Variants in FILIP1L observed in about 807,000 individuals in gnomAD.
FILIP1L encodes the protein filamin A-interacting protein 1-like.
In FILIP1L, 55 loss-of-function variants were observed where a neutral mutation model predicts 96.6. The ratio of observed to expected loss-of-function variants is 0.57; its 90% confidence interval spans 0.46 to 0.71. The LOEUF (loss-of-function observed/expected upper bound fraction) is 0.71. FILIP1L is among the 30% of genes least tolerant of loss of function. FILIP1L has a pLI of 0.00. For synonymous variants in FILIP1L, 467 were observed against 473.9 expected (o/e 0.99, Z 0.19); for missense variants, 1,304 against 1,321.2 (o/e 0.99, Z 0.20).
chr3:100,038,427 A>T (rs1332120946), intron 1 of FILIP1L, among the ~76,000 whole-genome samples: 1 of 152,156 alleles, frequency 6.6e-6, no homozygotes, highest in East Asian at 1.9e-4. Flanking sequence ...TTCTTTTTTC[A>T]CCATTTTTTT....
chr3:99,886,298 G>C (rs1705894576), intron 4 of FILIP1L, among the ~76,000 whole-genome samples: 1 of 94,934 alleles, frequency 1.1e-5, no homozygotes, highest in African/African-American at 4.2e-5. Context: ...CCTGGTGAGA[G>C]GGGAATGAGT....
chr3:100,022,171 T>C (rs1424227115), intron 1 of FILIP1L, among the ~76,000 whole-genome samples: 4 of 152,196 alleles, frequency 2.6e-5, no homozygotes, highest in African/African-American at 9.6e-5. Flanking sequence ...GTTGAGTCTC[T>C]TGGGAATCCT....
chr3:100,070,764 T>G (rs1035033183), intron 1 of FILIP1L, among the ~76,000 whole-genome samples: 4 of 152,162 alleles, frequency 2.6e-5, no homozygotes, highest in Admixed American at 2.6e-4. Context: ...CCCAAGTAGC[T>G]GGGATTAAAG....
chr3:100,081,786 A>G (rs779469498), intron 1 of FILIP1L, among the ~76,000 whole-genome samples: 6 of 152,170 alleles, frequency 3.9e-5, no homozygotes, highest in Non-Finnish European at 8.8e-5. Flanking sequence ...TTTTAGAGCC[A>G]GGTTTCTCCT....
intron 1 of FILIP1L, among the ~76,000 whole-genome samples, chr3:100,084,681 G>T (rs540885770): frequency 6.6e-6 from 1 of 152,150 alleles, no homozygotes; most frequent in Non-Finnish European, 1.5e-5. Flanking sequence ...TGTCACTTAC[G>T]TATAAACATG....
At chr3:100,045,569 A>G (rs1408677160) in intron 1 of FILIP1L, among the ~76,000 whole-genome samples, 4 of 151,812 alleles carry the variant, frequency 2.6e-5, no homozygotes, top group African/African-American at 9.7e-5. Context: ...AGGGGACTTC[A>G]TTTATCTTAA....
At chr3:99,983,486 ATATATATATATATATATATATATG>A (rs1709227800) in intron 1 of FILIP1L, among the ~76,000 whole-genome samples, 4 of 23,560 alleles carry the variant, frequency 1.7e-4, no homozygotes, top group Non-Finnish European at 2.6e-4. Flanking sequence ...ATATATATAT[ATATATATATATATATATATATATG>A]TATATATATA....
chr3:99,983,422 ATGTATG>A (rs1382316359), intron 1 of FILIP1L, among the ~76,000 whole-genome samples: 91 of 86,882 alleles, frequency 1.0e-3, no homozygotes, highest in African/African-American at 4.3e-3. Flanking sequence ...ATATATATGT[ATGTATG>A]TATGTATATA....
At chr3:99,988,592 T>C (rs747591288) in intron 1 of FILIP1L, among the ~76,000 whole-genome samples, 30 of 151,944 alleles carry the variant, frequency 2.0e-4, no homozygotes, top group Admixed American at 7.9e-4. Context: ...GTTTCTCTTA[T>C]AAGAAAAACT....
intron 4 of FILIP1L, among the ~76,000 whole-genome samples, chr3:99,909,622 AAAT>A (rs1559684499): frequency 6.6e-6 from 1 of 152,258 alleles, no homozygotes; most frequent in Non-Finnish European, 1.5e-5. Flanking sequence ...TTGCATAAAG[AAAT>A]AATAATACTG....
chr3:99,988,347 A>G (rs1337121671), intron 1 of FILIP1L, among the ~76,000 whole-genome samples: 3 of 148,720 alleles, frequency 2.0e-5, no homozygotes, highest in East Asian at 3.9e-4. Flanking sequence ...AATCCAAAAA[A>G]AAAAAAAAAA....
intron 5 of FILIP1L, chr3:99,833,212 TAA>T (rs1456835045): frequency 4.4e-6 from 7 of 1,608,670 alleles, no homozygotes; most frequent in Non-Finnish European, 6.0e-6. Context: ...TGGAATGCCT[TAA>T]AAGTCTGAAG....
chr3:99,990,250 T>TAGAC (rs571681321), intron 1 of FILIP1L, among the ~76,000 whole-genome samples: 49 of 152,256 alleles, frequency 3.2e-4, no homozygotes, highest in African/African-American at 1.1e-3. Context: ...GAGGCAAAGA[T>TAGAC]AGACAGAAAG....
intron 1 of FILIP1L, among the ~76,000 whole-genome samples, chr3:100,075,107 T>C (rs1344754644): frequency 2.6e-5 from 4 of 152,216 alleles, no homozygotes; most frequent in African/African-American, 7.2e-5. Flanking sequence ...TCCCTTTGTT[T>C]TGGTTTATCC....
At chr3:100,068,503 C>T (rs1226632490) in intron 1 of FILIP1L, among the ~76,000 whole-genome samples, 4 of 152,096 alleles carry the variant, frequency 2.6e-5, no homozygotes, top group African/African-American at 9.7e-5. Context: ...ATACATCTTG[C>T]TATAGGAATA....
At chr3:99,853,448 A>T (rs1943803942) in intron 4 of FILIP1L, among the ~76,000 whole-genome samples, 1 of 152,158 alleles carries the variant, frequency 6.6e-6, no homozygotes, top group Admixed American at 6.5e-5. Flanking sequence ...GATATAAGGG[A>T]GGGAAGATTG....
chr3:99,897,162 C>T (rs1194302730), intron 4 of FILIP1L, among the ~76,000 whole-genome samples: 1 of 152,116 alleles, frequency 6.6e-6, no homozygotes. Flanking sequence ...AGTTCGAGAC[C>T]AGCCTAGCCA....
In FILIP1L at chr3:99,887,712, A is replaced by G. The variant is rs1705953402; in HGVS notation, c.605+36518T>C. Among the ~76,000 whole-genome samples, 3 of 152,356 alleles carry G rather than the reference A, an allele frequency of 2.0e-5. No homozygotes were observed. The South Asian group carries it at 6.2e-4, about 32-fold the overall frequency. ...ATATGAAATGGAACTGGGAATACCC[A>G]GATATACATATAATATAGATATGGA... On this transcript the variant is annotated intron_variant, in intron 4 of 5. Coordinates refer to ENST00000477258, the MANE Select transcript of FILIP1L (RefSeq NM_001387850.1).
At chr3:100,008,580 G>A (rs953051972) in intron 1 of FILIP1L, among the ~76,000 whole-genome samples, 3 of 152,162 alleles carry the variant, frequency 2.0e-5, no homozygotes, top group Non-Finnish European at 4.4e-5. Context: ...ACAAAAAGAA[G>A]GACAATAGCA....
Sources: allele counts gnomAD v4.1 joint callset (sites outside exome capture counted in the v4.1 genomes callset), GRCh38; gene constraint gnomAD v4.1.1; transcripts MANE v1.5; gene names NCBI Gene and HGNC (gene_info 2026-07-23, HGNC 2026-07-21).